Variants in USP4 observed in about 807,000 individuals in gnomAD.
The protein encoded by USP4 is ubiquitin specific peptidase 4, also known as ubiquitin carboxyl-terminal hydrolase 4.
Under a neutral mutation model 118.2 loss-of-function variants are expected in USP4, and 72 were observed. That is an observed-to-expected ratio of 0.61 (90% CI 0.50 to 0.74). USP4 has a LOEUF of 0.74. Among genes scored for constraint, USP4 ranks in the 30% least tolerant of loss-of-function variants. The pLI is 0.00. For synonymous variants in USP4, 415 were observed against 440.4 expected, an observed-to-expected ratio of 0.94 and a Z score of 0.72; for missense variants, 1,037 against 1,185.7, an observed-to-expected ratio of 0.87 and a Z score of 1.84.
In USP4 at chr3:49,284,046, A is replaced by T; in HGVS notation, c.2481T>A (p.Arg827=). ...LPKILVVHLK[R]FSYNRYWRDK... is the part of the protein sequence containing the mutation. ...CCCTCCAGTATCTGTTGTAGGAGAA[A>T]CGTTTGAGGTGGACCACCAGGATCT... The change falls in exon 19 of 22, where the codon CGT becomes CGA. Residue 827 remains arginine (R), a synonymous_variant. Transcript: ENST00000265560. 1 of 1,614,244 alleles carries T rather than the reference A, an allele frequency of 6.2e-7. No individual in the cohort carries two copies. The highest frequency in any genetic ancestry group is 8.5e-7 in the Non-Finnish European group (1 of 1,180,048).
intron 13 of USP4, among the ~76,000 whole-genome samples, chr3:49,297,254 T>G (rs1165212884): frequency 6.6e-6 from 1 of 152,102 alleles, no homozygotes; most frequent in Admixed American, 6.6e-5. Context: ...CGGCAAGTTA[T>G]TACACCACTG....
At chr3:49,292,649 T>C in intron 14 of USP4, 51 bp from the exon 15 acceptor site, 1 of 1,313,174 alleles carries the variant, frequency 7.6e-7, no homozygotes, top group Non-Finnish European at 1.0e-6. Flanking sequence ...TTGTAACATT[T>C]ATCTATTTTT....
chr3:49,286,434 A>G (rs371188850), intron 15 of USP4, 109 bp from the exon 16 acceptor site: 100 of 1,104,940 alleles, frequency 9.1e-5, no homozygotes, highest in Non-Finnish European at 1.2e-4. Flanking sequence ...TGTTCTGTGT[A>G]TATGAAGTTA....
chr3:49,292,096 C>G (rs2047157911), intron 15 of USP4, among the ~76,000 whole-genome samples: 1 of 152,040 alleles, frequency 6.6e-6, no homozygotes, highest in Non-Finnish European at 1.5e-5. Flanking sequence ...CGTGAGCCAC[C>G]ACGCCCGGCC....
chr3:49,308,217 G>C (rs2047340072), intron 8 of USP4, among the ~76,000 whole-genome samples: 1 of 152,164 alleles, frequency 6.6e-6, no homozygotes, highest in South Asian at 2.1e-4. Flanking sequence ...CCTAGGGTGA[G>C]AAGGGCTAGC....
At position 49,299,566 on chromosome 3, in the gene USP4, G is replaced by T. The variant is rs543141239; in HGVS notation, c.1512+901C>A. On this transcript the variant is annotated intron_variant, in intron 11 of 21. Coordinates refer to ENST00000265560, the MANE Select transcript of USP4 (RefSeq NM_003363.4). ...CGCCACCATGCCTGGCTAATTTTTT[G>T]TATTTTTAGTAGAGACGGGGTTTCA... is the stretch of plus-strand genomic sequence containing the variant. Among the ~76,000 whole-genome samples, 440 of 150,988 alleles carry T rather than the reference G, an allele frequency of 2.9e-3. 2 individuals carry two copies. The highest frequency in any genetic ancestry group is 5.4e-3 in the Non-Finnish European group (365 of 67,794).
intron 3 of USP4, among the ~76,000 whole-genome samples, chr3:49,326,827 G>A (rs1242654684): frequency 6.6e-6 from 1 of 150,744 alleles, no homozygotes; most frequent in Non-Finnish European, 1.5e-5. Flanking sequence ...TCAGCCTCCC[G>A]AGTAGCTGGG....
At chr3:49,327,659 G>A in intron 3 of USP4, 27 bp downstream of exon 3, 11 of 1,613,296 alleles carry the variant, frequency 6.8e-6, no homozygotes, top group Non-Finnish European at 9.3e-6. Flanking sequence ...ACAGTGACCA[G>A]CAGGTGGGAC....
intron 19 of USP4, among the ~76,000 whole-genome samples, chr3:49,281,491 T>TAC (rs71077782): frequency 0.072 from 9,137 of 126,276 alleles, 387 homozygotes; most frequent in Middle Eastern, 0.11. Flanking sequence ...TATATATATA[T>TAC]ACACACACAC....
intron 1 of USP4, 133 bp downstream of exon 1, chr3:49,339,791 G>A: frequency 1.5e-6 from 1 of 651,330 alleles, no homozygotes; most frequent in South Asian, 2.0e-5. Context: ...TCTCCTGAGG[G>A]GCAGGTGTCA....
rs958393319 is a variant in USP4, at chr3:49,284,158, T to C, written c.2391-22A>G. ...GTACCTAAAAAGAGAAACCTCCACTTAGCAGGGCAAGCCGGCAGCCAGTGC... is the reference window on the plus strand; with the variant it reads ...GTACCTAAAAAGAGAAACCTCCACTCAGCAGGGCAAGCCGGCAGCCAGTGC... On this transcript the variant is annotated intron_variant, in intron 18 of 21. Coordinates refer to ENST00000265560, the MANE Select transcript of USP4 (RefSeq NM_003363.4). 8 of 1,613,828 alleles carry C rather than the reference T, an allele frequency of 5.0e-6. No homozygotes were observed. The Admixed American group carries it at 1.2e-4, about 24-fold the overall frequency.
Position 49,278,414 on chromosome 3 carries a change from T to C in USP4, c.2771A>G (p.Asp924Gly). 6.2e-7 allele frequency: 1 copy of C among 1,614,124 alleles called. No individual in the cohort carries two copies. Among genetic ancestry groups the C allele is most frequent in the Admixed American group, 1.7e-5 (1 of 60,008 alleles). ...TGAAGGTGTCTTATAAAATTCATCA[T>C]CTCGACGTTGGTAAAATAGCACATA... is the stretch of plus-strand genomic sequence containing the variant. ...AAYVLFYQRRDDEFYKTPSLS... is the reference protein window; with the variant it reads ...AAYVLFYQRRGDEFYKTPSLS... The change falls in exon 22 of 22, where the codon GAT (aspartate) becomes GGT (glycine). Residue 924 changes from aspartate to glycine, a missense_variant. Coordinates refer to ENST00000265560, the MANE Select transcript of USP4 (RefSeq NM_003363.4).
At chr3:49,336,533 T>C (rs1318436115) in intron 1 of USP4, among the ~76,000 whole-genome samples, 1 of 101,184 alleles carries the variant, frequency 9.9e-6, no homozygotes, top group African/African-American at 2.7e-5. Flanking sequence ...ATTAACTTCT[T>C]TTTTTTTTGA....
chr3:49,336,679 C>T (rs2047672276), intron 1 of USP4, among the ~76,000 whole-genome samples: 1 of 151,778 alleles, frequency 6.6e-6, no homozygotes, highest in Non-Finnish European at 1.5e-5. Flanking sequence ...TGTGCCACCA[C>T]ACCTGGCTAA....
rs1211887298 is a variant in USP4, at chr3:49,277,175, C to G, written c.*1118G>C. On this transcript the variant is annotated 3_prime_UTR_variant, in exon 22 of 22. Coordinates refer to ENST00000265560, the MANE Select transcript of USP4 (RefSeq NM_003363.4). ...CCTTTGGCGAGTCGGCAGCCACGTC[C>G]TTGTCCTCACCCGCAGCGCAGTGAC... The G allele has an allele frequency of 7.2e-7, 1 of 1,389,226 alleles. No individual in the cohort carries two copies. The highest frequency in any genetic ancestry group is 9.5e-7 in the Non-Finnish European group (1 of 1,053,248). 86.1% of individuals were successfully genotyped at this position (1,389,226 alleles called of 1,614,324 possible).
At chr3:49,294,302 G>T in intron 14 of USP4, 105 bp downstream of exon 14, 1 of 1,259,056 alleles carries the variant, frequency 7.9e-7, no homozygotes. Flanking sequence ...TTCTTACAGA[G>T]GTGAGCATGT....
At position 49,297,869 on chromosome 3, in the gene USP4, C is replaced by T. The variant is rs766850395; in HGVS notation, c.1691+1G>A. On this transcript the variant is annotated splice_donor_variant, in intron 13 of 21. Coordinates refer to ENST00000265560, the MANE Select transcript of USP4 (RefSeq NM_003363.4). LOFTEE classifies it high-confidence loss of function. ...TGCAGCAGAAACTGCTGAGTACTCA[C>T]ACGAAAATGTCATCCCGAGGCATGA... is the stretch of plus-strand genomic sequence containing the variant. 2 of 1,613,430 alleles carry T rather than the reference C, an allele frequency of 1.2e-6. No individual in the cohort carries two copies. The highest frequency in any genetic ancestry group is 3.3e-5 in the Admixed American group (2 of 59,998).
At chr3:49,319,447 C>T (rs2047476757) in intron 6 of USP4, among the ~76,000 whole-genome samples, 1 of 151,910 alleles carries the variant, frequency 6.6e-6, no homozygotes. Flanking sequence ...GACGGGGTTT[C>T]ACCATATTGG....
intron 2 of USP4, among the ~76,000 whole-genome samples, chr3:49,328,956 G>T (rs972744205): frequency 3.9e-5 from 6 of 151,908 alleles, no homozygotes; most frequent in Non-Finnish European, 7.4e-5. Context: ...GAGGTGGGCA[G>T]ATCATGAGGT....
Sources: gnomAD v4.1 joint callset for allele counts (sites outside exome capture counted in the v4.1 genomes callset) on GRCh38, gnomAD v4.1.1 for gene constraint, MANE v1.5 for transcripts, NCBI Gene and HGNC (gene_info 2026-07-23, HGNC 2026-07-21) for gene names.